Variants in NRCAM observed in about 807,000 individuals in gnomAD.
NRCAM encodes the protein NgCAM-related cell adhesion molecule.
In NRCAM, 83 loss-of-function variants were observed where a neutral mutation model predicts 156.5. The observed-to-expected ratio is 0.53, with a 90% confidence interval of 0.44 to 0.64. The LOEUF is 0.64. Ranked by LOEUF, NRCAM falls within the 30% of genes least tolerant of loss-of-function variation. The pLI, the probability that NRCAM is intolerant of heterozygous loss-of-function variation, is 0.00. For synonymous variants in NRCAM, 538 were observed against 563.9 expected (o/e 0.95, Z 0.65); for missense variants, 1,417 against 1,597.3 (o/e 0.89, Z 1.92).
chr7:108,225,200 T>C (rs368482322), intron 10 of NRCAM, among the ~76,000 whole-genome samples: 3 of 152,194 alleles, frequency 2.0e-5, no homozygotes, highest in South Asian at 2.1e-4. Context: ...TAATGTCACA[T>C]GAAAACAGAT....
intron 20 of NRCAM, among the ~76,000 whole-genome samples, chr7:108,189,014 A>G (rs972251592): frequency 3.3e-5 from 5 of 149,724 alleles, no homozygotes; most frequent in African/African-American, 7.3e-5. Context: ...AAGCTTACCT[A>G]TAGTCTAATT....
At chr7:108,218,101 G>A (rs550311441) in intron 11 of NRCAM, among the ~76,000 whole-genome samples, 2 of 151,130 alleles carry the variant, frequency 1.3e-5, no homozygotes, top group South Asian at 4.2e-4. Flanking sequence ...CATGGGCAAA[G>A]CATACTATCT....
chr7:108,220,880 G>T (rs952898785), intron 11 of NRCAM, among the ~76,000 whole-genome samples: 1 of 152,134 alleles, frequency 6.6e-6, no homozygotes, highest in African/African-American at 2.4e-5. Context: ...CTTTTGCATG[G>T]CAAAAACAAC....
intron 2 of NRCAM, among the ~76,000 whole-genome samples, chr7:108,336,945 A>G (rs1200799037): frequency 6.6e-6 from 1 of 152,174 alleles, no homozygotes; most frequent in Non-Finnish European, 1.5e-5. Context: ...TAGTAAAAAT[A>G]AATGTATTTT....
chr7:108,192,373 A>G (rs2072448425), intron 17 of NRCAM, among the ~76,000 whole-genome samples: 1 of 152,150 alleles, frequency 6.6e-6, no homozygotes, highest in Non-Finnish European at 1.5e-5. Context: ...GTCACTGTAT[A>G]TATTACATGT....
intron 14 of NRCAM, 55 bp from the exon 15 acceptor site, chr7:108,195,927 G>T (rs969700136): frequency 8.9e-7 from 1 of 1,117,748 alleles, no homozygotes; most frequent in Middle Eastern, 2.0e-4. Context: ...TAGGACTATC[G>T]TTTATTTATT....
chr7:108,181,275 A>G (rs2063328689), intron 24 of NRCAM, among the ~76,000 whole-genome samples: 1 of 151,996 alleles, frequency 6.6e-6, no homozygotes. Flanking sequence ...TAGTGACTGT[A>G]CGCTTGGCTG....
intron 1 of NRCAM, among the ~76,000 whole-genome samples, chr7:108,426,314 C>G (rs920946212): frequency 1.3e-5 from 2 of 152,254 alleles, no homozygotes; most frequent in Non-Finnish European, 1.5e-5. Context: ...TAAAACATAC[C>G]TTCTTCATTA....
chr7:108,284,707 G>T (rs919165713), intron 3 of NRCAM, among the ~76,000 whole-genome samples: 1 of 152,084 alleles, frequency 6.6e-6, no homozygotes, highest in Non-Finnish European at 1.5e-5. Flanking sequence ...ATACGGAACC[G>T]CAACTGTTAG....
chr7:108,240,146 G>T lies in NRCAM; in HGVS notation c.-82C>A. ...GATTTTGTGAAACGTTGTGTGCAACGTTTAAGTAATTTTCATGCGGGAAAC... is the reference window on the plus strand; with the variant it reads ...GATTTTGTGAAACGTTGTGTGCAACTTTTAAGTAATTTTCATGCGGGAAAC... On this transcript the variant is annotated 5_prime_UTR_variant, in exon 4 of 33. Coordinates refer to ENST00000379028, the MANE Select transcript of NRCAM (RefSeq NM_001037132.4). 1.1e-6 allele frequency: 1 copy of T among 899,638 alleles called. No individual in the cohort carries two copies. Among genetic ancestry groups the T allele is most frequent in the Non-Finnish European group, 1.8e-6 (1 of 558,190 alleles). 55.7% of individuals were successfully genotyped at this position (899,638 alleles called of 1,614,324 possible).
chr7:108,454,074 C>CT (rs1468979736), intron 1 of NRCAM, among the ~76,000 whole-genome samples: 1 of 152,146 alleles, frequency 6.6e-6, no homozygotes, highest in East Asian at 1.9e-4. Context: ...GCCCTGGTTA[C>CT]TAAGAACATG....
At chr7:108,287,900 A>C (rs2098155422) in intron 3 of NRCAM, among the ~76,000 whole-genome samples, 2 of 152,184 alleles carry the variant, frequency 1.3e-5, no homozygotes, top group Admixed American at 6.5e-5. Flanking sequence ...TCATTTTATC[A>C]AAAAGACACC....
At chr7:108,395,730 A>C (rs998241915) in intron 2 of NRCAM, among the ~76,000 whole-genome samples, 5 of 152,164 alleles carry the variant, frequency 3.3e-5, no homozygotes, top group Non-Finnish European at 7.3e-5. Flanking sequence ...GCAACTCCAA[A>C]ACTAACATAA....
intron 3 of NRCAM, among the ~76,000 whole-genome samples, chr7:108,296,969 C>G (rs1031107657): frequency 6.6e-6 from 1 of 151,996 alleles, no homozygotes. Flanking sequence ...GGGTACTAGG[C>G]AAAAAAATTA....
At chr7:108,396,237 C>T (rs367925669) in intron 2 of NRCAM, among the ~76,000 whole-genome samples, 14 of 152,094 alleles carry the variant, frequency 9.2e-5, no homozygotes, top group South Asian at 4.1e-4. Flanking sequence ...TTGTGTTCTG[C>T]GCATAAATGA....
At position 108,174,921 on chromosome 7, in the gene NRCAM, T is replaced by C. The variant is rs149038761; in HGVS notation, c.3187+401A>G. The stretch of plus-strand genomic sequence containing the variant: ...TACAAGGAGAGCAGCTAAATCAGAA[T>C]AGAACAGGAAGCTTGGTTGATCTGA... On this transcript the variant is annotated intron_variant, in intron 28 of 32. Transcript: ENST00000379028. Among the ~76,000 whole-genome samples, 26 of 152,308 alleles carry C rather than the reference T, an allele frequency of 1.7e-4. 1 individual carries two copies. Among genetic ancestry groups the C allele is most frequent in the Admixed American group, 8.5e-4 (13 of 15,300 alleles).
rs184527571 is a variant in NRCAM at position 108,184,130 on chromosome 7, T to A, written c.2304+111A>T. On this transcript the variant is annotated intron_variant, in intron 22 of 32. Transcript: ENST00000379028. Reference sequence around the variant, plus strand: ...TGTATCTTTATATATATATATATATTTTTTTTCCCCAGAAATAGGTGAAAT... The same window carrying A: ...TGTATCTTTATATATATATATATATATTTTTTCCCCAGAAATAGGTGAAAT... The A allele has an allele frequency of 2.0e-3, 1,097 of 544,034 alleles. 11 individuals carry two copies. The highest frequency in any genetic ancestry group is 5.9e-3 in the South Asian group (194 of 32,844). 33.7% of individuals were successfully genotyped at this position (544,034 alleles called of 1,614,324 possible). A position where few individuals can be genotyped will look rare whatever the true frequency, so the allele number is the denominator to read the frequency against.
At chr7:108,406,683 A>G (rs970658020) in intron 1 of NRCAM, among the ~76,000 whole-genome samples, 4 of 152,242 alleles carry the variant, frequency 2.6e-5, no homozygotes, top group Non-Finnish European at 4.4e-5. Context: ...GCACACTTCA[A>G]CAGTAATACA....
chr7:108,364,070 A>T (rs2099576582), intron 2 of NRCAM, among the ~76,000 whole-genome samples: 1 of 152,242 alleles, frequency 6.6e-6, no homozygotes, highest in Admixed American at 6.5e-5. Context: ...TATACCAGCC[A>T]AATGCAAGAC....
Sources: allele counts gnomAD v4.1 joint callset (sites outside exome capture counted in the v4.1 genomes callset), GRCh38; gene constraint gnomAD v4.1.1; transcripts MANE v1.5; gene names NCBI Gene and HGNC (gene_info 2026-07-23, HGNC 2026-07-21).